Variants in COP1 observed in about 807,000 individuals in gnomAD.
The protein encoded by COP1 is COP1 E3 ubiquitin ligase, also known as E3 ubiquitin-protein ligase COP1.
In COP1, 24 loss-of-function variants were observed where a neutral mutation model predicts 101.3. That is an observed-to-expected ratio of 0.24 (90% CI 0.17 to 0.33). The LOEUF (loss-of-function observed/expected upper bound fraction) is 0.33. COP1 is among the 10% of genes least tolerant of loss of function. The pLI, the probability that COP1 is intolerant of heterozygous loss-of-function variation, is 1.00. For synonymous variants in COP1, 347 were observed against 341.9 expected (o/e 1.01, Z -0.17); for missense variants, 663 against 906.2 (o/e 0.73, Z 3.45).
At chr1:176,201,740 C>CT (rs1341467454) in intron 1 of COP1, among the ~76,000 whole-genome samples, 1 of 152,222 alleles carries the variant, frequency 6.6e-6, no homozygotes, top group Non-Finnish European at 1.5e-5. Flanking sequence ...GCCCCACCAT[C>CT]TGATAGTCCA....
chr1:176,018,553 T>C (rs1666089573), intron 15 of COP1: 1 of 152,044 alleles, frequency 6.6e-6, no homozygotes, highest in South Asian at 2.1e-4. Flanking sequence ...GCTTGAGCCA[T>C]CTTTTCCTAC....
chr1:176,065,137 C>T (rs991462449), intron 11 of COP1, among the ~76,000 whole-genome samples: 8 of 152,040 alleles, frequency 5.3e-5, no homozygotes, highest in Admixed American at 4.6e-4. Context: ...ATTCCAGTGC[C>T]TTTTTATTTT....
At chr1:176,048,839 A>T (rs919773500) in intron 11 of COP1, among the ~76,000 whole-genome samples, 3 of 152,228 alleles carry the variant, frequency 2.0e-5, no homozygotes, top group Admixed American at 1.3e-4. Context: ...GCTTAAATAC[A>T]TTACAGGGAG....
chr1:176,152,885 T>C (rs946986831), intron 5 of COP1, among the ~76,000 whole-genome samples: 2 of 152,198 alleles, frequency 1.3e-5, no homozygotes, highest in African/African-American at 4.8e-5. Flanking sequence ...ACTATTTAGG[T>C]AATAATTTTT....
At chr1:176,195,456 C>T (rs1699569456) in intron 1 of COP1, among the ~76,000 whole-genome samples, 1 of 152,090 alleles carries the variant, frequency 6.6e-6, no homozygotes, top group African/African-American at 2.4e-5. Context: ...ACTTAAATAA[C>T]ACATCAACCA....
intron 18 of COP1, among the ~76,000 whole-genome samples, chr1:175,985,860 T>A (rs931403881): frequency 2.0e-5 from 3 of 152,066 alleles, no homozygotes; most frequent in Admixed American, 1.3e-4. Context: ...AAGACAGCAA[T>A]AGAATATATC....
At chr1:176,179,062 G>C (rs1219783707) in intron 2 of COP1, among the ~76,000 whole-genome samples, 1 of 151,698 alleles carries the variant, frequency 6.6e-6, no homozygotes, top group Non-Finnish European at 1.5e-5. Flanking sequence ...GGCCACGGTG[G>C]GTGGATCACT....
intron 8 of COP1, among the ~76,000 whole-genome samples, chr1:176,128,879 G>A (rs896466631): frequency 1.3e-5 from 2 of 151,868 alleles, no homozygotes. Flanking sequence ...CATTGACAAT[G>A]CATTGGTCAT....
intron 15 of COP1, among the ~76,000 whole-genome samples, chr1:176,020,873 A>C (rs1271110150): frequency 6.6e-6 from 1 of 152,252 alleles, no homozygotes; most frequent in African/African-American, 2.4e-5. Flanking sequence ...TAAATCACAT[A>C]ATCTAAAGTA....
chr1:176,059,088 C>T (rs1252622802), intron 11 of COP1, among the ~76,000 whole-genome samples: 1 of 152,208 alleles, frequency 6.6e-6, no homozygotes, highest in Non-Finnish European at 1.5e-5. Flanking sequence ...CTCAGCTGTG[C>T]TCACACAAAA....
intron 4 of COP1, among the ~76,000 whole-genome samples, chr1:176,163,559 T>A (rs1694663247): frequency 6.6e-6 from 1 of 152,156 alleles, no homozygotes; most frequent in South Asian, 2.1e-4. Context: ...CCACCCAAAA[T>A]AATCCTTCAA....
rs189072805 is a variant in COP1 at position 176,006,030 on chromosome 1, C to T, written c.1730-16551G>A. Among the ~76,000 whole-genome samples the T allele has an allele frequency of 2.6e-3, 400 of 152,088 alleles. 3 individuals carry two copies. Among genetic ancestry groups the T allele is most frequent in the African/African-American group, 9.2e-3 (382 of 41,496 alleles). ...GGACTTGCTTTATGAGTCTGGGTGC[C>T]CTTGTATTGGGTGCATATATATTTA... On this transcript the variant is annotated intron_variant, in intron 15 of 19. Transcript: ENST00000367669.
intron 18 of COP1, among the ~76,000 whole-genome samples, chr1:175,982,078 TG>T (rs1656003313): frequency 6.6e-6 from 1 of 152,148 alleles, no homozygotes; most frequent in African/African-American, 2.4e-5. Context: ...TTGGTGGGAA[TG>T]TAAATCAGTA....
intron 9 of COP1, among the ~76,000 whole-genome samples, chr1:176,090,739 T>A (rs1055465133): frequency 6.6e-6 from 1 of 151,992 alleles, no homozygotes; most frequent in Non-Finnish European, 1.5e-5. Context: ...AGACAAAAAA[T>A]TTGAAAAACA....
intron 15 of COP1, among the ~76,000 whole-genome samples, chr1:176,020,778 C>A (rs773396890): frequency 6.6e-6 from 1 of 152,166 alleles, no homozygotes; most frequent in African/African-American, 2.4e-5. Flanking sequence ...TATTTGAATT[C>A]ATCTAAAGGC....
chr1:176,033,649 A>G (rs963506670), intron 14 of COP1, among the ~76,000 whole-genome samples: 3 of 152,204 alleles, frequency 2.0e-5, no homozygotes, highest in Non-Finnish European at 2.9e-5. Flanking sequence ...ATGACTCATA[A>G]AATTCCTTTC....
At chr1:176,096,753 T>G (rs929622960) in intron 9 of COP1, among the ~76,000 whole-genome samples, 2 of 152,204 alleles carry the variant, frequency 1.3e-5, no homozygotes, top group African/African-American at 4.8e-5. Context: ...GTTTTAACTA[T>G]GAAAAAGGAT....
chr1:176,064,946 G>C (rs536598598), intron 11 of COP1, among the ~76,000 whole-genome samples: 6 of 152,190 alleles, frequency 3.9e-5, no homozygotes, highest in Non-Finnish European at 5.9e-5. Flanking sequence ...CAAGCTTGTA[G>C]TAGCTACCAC....
At chr1:176,178,085 A>T (rs1217173436) in intron 2 of COP1, among the ~76,000 whole-genome samples, 1 of 152,224 alleles carries the variant, frequency 6.6e-6, no homozygotes, top group African/African-American at 2.4e-5. Flanking sequence ...TGCTTCATGT[A>T]TGACTGAAAA....
Sources: allele counts gnomAD v4.1 joint callset (sites outside exome capture counted in the v4.1 genomes callset), GRCh38; gene constraint gnomAD v4.1.1; transcripts MANE v1.5; gene names NCBI Gene and HGNC (gene_info 2026-07-23, HGNC 2026-07-21).